The following ZNF254 variants were observed in gnomAD, a reference collection of about 807,000 sequenced individuals.
The protein encoded by ZNF254 is zinc finger protein 254, also known as CTD-2017D11.1.
In ZNF254, 10 loss-of-function variants were observed where a neutral mutation model predicts 12.4. That is an observed-to-expected ratio of 0.80 (90% CI 0.50 to 1.36). The LOEUF is 1.36. Ranked by LOEUF, ZNF254 falls within the 40% of genes most tolerant of loss-of-function variation. The pLI is 0.00. For missense variants in ZNF254, 996 were observed against 763.9 expected (o/e 1.30, Z -3.58); for synonymous variants, 305 against 253.4 (o/e 1.20, Z -1.93).
chr19:24,066,488 T>C (rs1188724961), intron 2 of ZNF254: 2 of 152,216 alleles, frequency 1.3e-5, no homozygotes, highest in Admixed American at 1.3e-4. Flanking sequence ...TTGTGACATA[T>C]TGCTGGGTTT....
At chr19:24,044,442 G>A (rs1970298718) in intron 1 of ZNF254, among the ~76,000 whole-genome samples, 3 of 151,574 alleles carry the variant, frequency 2.0e-5, no homozygotes, top group African/African-American at 7.3e-5. Flanking sequence ...GGAGGCTGAG[G>A]CAAGAAAATG....
At chr19:24,050,967 A>C (rs1235399710) in intron 2 of ZNF254, among the ~76,000 whole-genome samples, 1 of 149,580 alleles carries the variant, frequency 6.7e-6, no homozygotes, top group South Asian at 2.1e-4. Context: ...CTCCCAAAGT[A>C]CTGGGATTCC....
At chr19:24,069,965 A>G (rs948278892) in intron 2 of ZNF254, among the ~76,000 whole-genome samples, 2 of 152,174 alleles carry the variant, frequency 1.3e-5, no homozygotes, top group Non-Finnish European at 2.9e-5. Flanking sequence ...GCTCATTACA[A>G]TTGTAACCTC....
chr19:24,094,684 T>C lies in ZNF254; in HGVS notation c.30+7347T>C, dbSNP rs917643922. On this transcript the variant is annotated intron_variant, in intron 1 of 3. Coordinates refer to ENST00000357002, the MANE Select transcript of ZNF254 (RefSeq NM_203282.4). ...AGTTTCCAAAGAAGAATGCTTCGGG[T>C]TTTTTTTTTCTTTTCTTTTTGAGAT... Among the ~76,000 whole-genome samples, 15 of 148,288 alleles carry C rather than the reference T, an allele frequency of 1.0e-4. 1 individual carries two copies. The highest frequency in any genetic ancestry group is 3.5e-4 in the African/African-American group (14 of 40,522).
intron 1 of ZNF254, among the ~76,000 whole-genome samples, chr19:24,093,641 C>G: frequency 6.6e-6 from 1 of 152,104 alleles, no homozygotes; most frequent in Admixed American, 6.6e-5. Context: ...TTGCATTGGT[C>G]TATGAGTTTG....
chr19:24,041,305 G>A (rs1970144322), intron 1 of ZNF254, among the ~76,000 whole-genome samples: 1 of 152,262 alleles, frequency 6.6e-6, no homozygotes, highest in Non-Finnish European at 1.5e-5. Context: ...CTTGCAGGGA[G>A]GTGTGGAGGG....
At chr19:24,074,159 T>C (rs776536489) in intron 2 of ZNF254, among the ~76,000 whole-genome samples, 31 of 152,232 alleles carry the variant, frequency 2.0e-4, no homozygotes. Flanking sequence ...GTAACTCTCT[T>C]TGCTGGGTTC....
At chr19:24,048,700 T>G (rs1599589469) in intron 2 of ZNF254, among the ~76,000 whole-genome samples, 1 of 107,548 alleles carries the variant, frequency 9.3e-6, no homozygotes, top group African/African-American at 3.1e-5. Flanking sequence ...GTTTTTTGGG[T>G]TTTTTTTCCC....
At chr19:24,123,532 T>C (rs1974627333) in intron 3 of ZNF254, among the ~76,000 whole-genome samples, 2 of 152,168 alleles carry the variant, frequency 1.3e-5, no homozygotes, top group Non-Finnish European at 2.9e-5. Context: ...TATTGCTTTG[T>C]ATGTGTTTCT....
At chr19:24,119,786 TTTAA>T (rs1475282684) in intron 3 of ZNF254, among the ~76,000 whole-genome samples, 4 of 152,072 alleles carry the variant, frequency 2.6e-5, no homozygotes, top group Non-Finnish European at 4.4e-5. Context: ...TATTAAGTAG[TTTAA>T]TTAATTTATA....
chr19:24,089,728 G>A (rs1431721721), intron 1 of ZNF254, among the ~76,000 whole-genome samples: 2 of 151,792 alleles, frequency 1.3e-5, no homozygotes, highest in African/African-American at 4.8e-5. Flanking sequence ...CTAATTTTAT[G>A]AGACATTAAT....
chr19:24,050,065 A>G (rs201700086), intron 2 of ZNF254, among the ~76,000 whole-genome samples: 3 of 151,966 alleles, frequency 2.0e-5, no homozygotes, highest in African/African-American at 7.3e-5. Context: ...CAAATGTGAT[A>G]TGAGTCTCCT....
chr19:24,085,207 C>T (rs1971981939), upstream of ZNF254, among the ~76,000 whole-genome samples: 1 of 151,578 alleles, frequency 6.6e-6, no homozygotes, highest in African/African-American at 2.4e-5. Context: ...GCTGGGACTA[C>T]AGGCGTGAGC....
chr19:24,059,656 A>G (rs1319640843), intron 2 of ZNF254, among the ~76,000 whole-genome samples: 1 of 152,134 alleles, frequency 6.6e-6, no homozygotes, highest in Non-Finnish European at 1.5e-5. Context: ...GCCACAACCT[A>G]GGTGATGTAA....
At chr19:24,044,237 T>TA (rs369998937) in intron 1 of ZNF254, among the ~76,000 whole-genome samples, 18,433 of 133,816 alleles carry the variant, frequency 0.14, 1,493 homozygotes, top group African/African-American at 0.25. Flanking sequence ...AGACTCCGTT[T>TA]AAAAAAAAAA....
intron 1 of ZNF254, among the ~76,000 whole-genome samples, chr19:24,034,009 G>T (rs983152269): frequency 3.9e-5 from 6 of 152,210 alleles, no homozygotes; most frequent in Admixed American, 3.9e-4. Context: ...CTGTCGCCCA[G>T]GCTGGAGTGC....
In ZNF254 at chr19:24,127,783, A is replaced by T. The variant is rs902212991; in HGVS notation, c.1783A>T (p.Ile595Phe). ...TTCAACTTTTACTAAACATAAGGTA[A>T]TTCATACTGGAGTAAAACCCTACAA... The part of the protein sequence containing the change: ...RSSTFTKHKV[I>F]HTGVKPYKCE... The change falls in exon 4 of 4, where the codon ATT becomes TTT. Residue 595 changes from isoleucine (I) to phenylalanine (F), a missense_variant. Coordinates refer to ENST00000357002, the MANE Select transcript of ZNF254 (RefSeq NM_203282.4). 3 of 1,612,772 alleles carry T rather than the reference A, an allele frequency of 1.9e-6. No individual in the cohort carries two copies. The highest frequency in any genetic ancestry group is 1.3e-5 in the African/African-American group (1 of 75,000).
intron 1 of ZNF254, among the ~76,000 whole-genome samples, chr19:24,102,952 G>A (rs569377174): frequency 6.6e-6 from 1 of 152,046 alleles, no homozygotes; most frequent in Non-Finnish European, 1.5e-5. Context: ...CTAAATCCTT[G>A]GATTTATTGG....
intron 1 of ZNF254, among the ~76,000 whole-genome samples, chr19:24,092,325 A>G (rs1972440801): frequency 6.6e-6 from 1 of 150,544 alleles, no homozygotes; most frequent in South Asian, 2.1e-4. Flanking sequence ...CACCACCACC[A>G]TGCCCAGCTA....
Sources: allele counts gnomAD v4.1 joint callset (sites outside exome capture counted in the v4.1 genomes callset), GRCh38; gene constraint gnomAD v4.1.1; transcripts MANE v1.5; gene names NCBI Gene and HGNC (gene_info 2026-07-23, HGNC 2026-07-21).